NUP214: variants seen among roughly 807,000 people sequenced by gnomAD.
NUP214 encodes nucleoporin 214.
A neutral mutation model predicts 196.2 loss-of-function variants in NUP214; 79 were observed. The observed-to-expected ratio is 0.40, with a 90% CI of 0.34 to 0.49. The LOEUF is 0.49. Among genes scored for constraint, NUP214 ranks in the 20% least tolerant of loss-of-function variants. The probability of loss-of-function intolerance (pLI) is 0.58; values close to 1 mark genes in which losing one functional copy is unlikely to be tolerated. For synonymous variants in NUP214, 1,020 were observed against 990.5 expected (o/e 1.03, Z -0.56); for missense variants, 2,468 against 2,539.0 (o/e 0.97, Z 0.60).
rs200377608 is a variant in NUP214, at chr9:131,139,255, CTTTTTTTTTT to C, written c.1006-12_1006-3del. 5.5e-6 allele frequency: 6 copies of C among 1,093,090 alleles called. No homozygotes were observed. Among genetic ancestry groups the C allele is most frequent in the African/African-American group, 4.2e-5 (2 of 47,068 alleles). The allele number at this position is 1,093,090 out of a possible 1,614,324, so 67.7% of individuals were successfully genotyped here. ...CTTTTTCTTTTTTCTTCTTCTTCTTCTTTTTTTTTTTTTTTTTTTTTTTAGATTAATTGGG... is the reference window on the plus strand; with the variant it reads ...CTTTTTCTTTTTTCTTCTTCTTCTTCTTTTTTTTTTTTTAGATTAATTGGG... On this transcript the variant is annotated splice_polypyrimidine_tract_variant and intron_variant, in intron 9 of 35. Coordinates refer to ENST00000359428, the MANE Select transcript of NUP214 (RefSeq NM_005085.4).
At chr9:131,136,087 C>T (rs1831718856) in intron 9 of NUP214, 81 bp downstream of exon 9, 2 of 1,191,080 alleles carry the variant, frequency 1.7e-6, no homozygotes, top group Non-Finnish European at 2.4e-6. Flanking sequence ...GTTGTCCAGG[C>T]TGGAGTGCAG....
intron 18 of NUP214, among the ~76,000 whole-genome samples, chr9:131,161,279 ACTAAGTCTCG>A (rs771005795): frequency 1.6e-4 from 23 of 142,804 alleles, no homozygotes; most frequent in Non-Finnish European, 2.4e-4. Flanking sequence ...TTTTTTTGAG[ACTAAGTCTCG>A]CTGTGTCACC....
At chr9:131,139,169 T>C in intron 9 of NUP214, 112 bp from the exon 10 acceptor site, 1 of 1,215,310 alleles carries the variant, frequency 8.2e-7, no homozygotes, top group Non-Finnish European at 1.1e-6. Flanking sequence ...AAGTGAGTCA[T>C]CTCTGTTCTC....
At chr9:131,189,472 A>G (rs530734238) in intron 26 of NUP214, among the ~76,000 whole-genome samples, 1 of 152,330 alleles carries the variant, frequency 6.6e-6, no homozygotes, top group East Asian at 1.9e-4. Context: ...CTGGATGATC[A>G]CAGTTGAGAG....
rs181038737 is a variant in NUP214 at position 131,151,342 on chromosome 9, A to T, written c.2278-394A>T. Among the ~76,000 whole-genome samples, 295 of 152,342 alleles carry T rather than the reference A, an allele frequency of 1.9e-3. 3 individuals are homozygous for T. Among genetic ancestry groups the T allele is most frequent in the African/African-American group, 6.8e-3 (282 of 41,584 alleles). Reference sequence around the variant, plus strand: ...AACTGAGGCTTAGGCAAATTTGTCAAAAGTCACCCACTTAGCAAGTGGTAG... The same window carrying T: ...AACTGAGGCTTAGGCAAATTTGTCATAAGTCACCCACTTAGCAAGTGGTAG... On this transcript the variant is annotated intron_variant, in intron 16 of 35. Coordinates refer to ENST00000359428, the MANE Select transcript of NUP214 (RefSeq NM_005085.4).
intron 28 of NUP214, among the ~76,000 whole-genome samples, chr9:131,196,390 TG>T (rs1833791695): frequency 6.6e-6 from 1 of 152,132 alleles, no homozygotes; most frequent in Non-Finnish European, 1.5e-5. Flanking sequence ...CTCGAACTCC[TG>T]ACCTCGTGAT....
chr9:131,229,756 G>A (rs1243763625), intron 33 of NUP214: 2 of 518,858 alleles, frequency 3.9e-6, no homozygotes, highest in African/African-American at 3.8e-5. Flanking sequence ...CCGCTCCTGG[G>A]AGAAAGTCCA....
Position 131,192,195 on chromosome 9 carries a change from T to TTTTG in NUP214, c.3575-13_3575-12insTTTG. 8.2e-7 allele frequency: 1 copy of TTTTG among 1,224,626 alleles called. No individual in the cohort carries two copies. Among genetic ancestry groups the TTTTG allele is most frequent in the Non-Finnish European group, 1.1e-6 (1 of 877,354 alleles). The allele number at this position is 1,224,626 out of a possible 1,614,324, so 75.9% of individuals were successfully genotyped here. A position where few individuals can be genotyped will look rare whatever the true frequency, so the allele number is the denominator to read the frequency against. ...TTTTTTTTTTTTTTTTTTTTTTTTTTCCATAATTTCAGGGACAGCCAAGAT... is the reference window on the plus strand; with the variant it reads ...TTTTTTTTTTTTTTTTTTTTTTTTTTTTTGCCATAATTTCAGGGACAGCCAAGAT... On this transcript the variant is annotated splice_polypyrimidine_tract_variant and intron_variant, in intron 26 of 35. Transcript: ENST00000359428.
At position 131,132,115 on chromosome 9, in the gene NUP214, C is replaced by CTTTTTTT. The variant is rs142450352; in HGVS notation, c.664-478_664-477insTTTTTTT. On this transcript the variant is annotated intron_variant, in intron 5 of 35. Coordinates refer to ENST00000359428, the MANE Select transcript of NUP214 (RefSeq NM_005085.4). Reference sequence around the variant, plus strand: ...TGCGTTCATGCGTTTCTTTTCTTTTCTTTCTTTTTTTTTTTTTTTTGGAGA... The same window carrying CTTTTTTT: ...TGCGTTCATGCGTTTCTTTTCTTTTCTTTTTTTTTTCTTTTTTTTTTTTTTTTGGAGA... Among the ~76,000 whole-genome samples the CTTTTTTT allele has an allele frequency of 1.1e-3, 114 of 108,070 alleles. 3 individuals are homozygous for CTTTTTTT. The highest frequency in any genetic ancestry group is 1.3e-3 in the Non-Finnish European group (69 of 54,740). The allele number at this position is 108,070 out of a possible 152,430, so 70.9% of individuals were successfully genotyped here.
At chr9:131,164,929 T>C (rs1034886593) in intron 21 of NUP214, among the ~76,000 whole-genome samples, 2 of 152,232 alleles carry the variant, frequency 1.3e-5, no homozygotes, top group Non-Finnish European at 2.9e-5. Flanking sequence ...TTAAAATTTT[T>C]TTATGCCAAT....
intron 30 of NUP214, 50 bp from the exon 31 acceptor site, chr9:131,215,162 T>G (rs775815430): frequency 1.4e-6 from 2 of 1,418,056 alleles, no homozygotes. Context: ...GCCTGCCATT[T>G]CACGATGACC....
chr9:131,214,026 C>G (rs1203890369), intron 30 of NUP214, among the ~76,000 whole-genome samples: 7 of 152,080 alleles, frequency 4.6e-5, no homozygotes, highest in African/African-American at 1.7e-4. Context: ...AGTGCTCCAG[C>G]TGCTGTGTGG....
chr9:131,228,544 G>A, intron 33 of NUP214: 1 of 458,110 alleles, frequency 2.2e-6, no homozygotes, highest in Admixed American at 4.5e-5. Context: ...GACCTCAGCT[G>A]TGTTGCTGTT....
At chr9:131,159,714 G>A (rs1832572702) in intron 18 of NUP214, among the ~76,000 whole-genome samples, 1 of 151,680 alleles carries the variant, frequency 6.6e-6, no homozygotes, top group Non-Finnish European at 1.5e-5. Flanking sequence ...AAAATTAGCC[G>A]GGCATGGTGG....
chr9:131,162,923 T>G (rs12000849), intron 18 of NUP214, 68 bp from the exon 19 acceptor site: 2 of 1,505,280 alleles, frequency 1.3e-6, no homozygotes, highest in South Asian at 2.3e-5. Flanking sequence ...GTCTTGTTTG[T>G]TTTTTTACTG....
intron 32 of NUP214, among the ~76,000 whole-genome samples, chr9:131,225,503 T>A (rs1834696264): frequency 6.6e-6 from 1 of 152,256 alleles, no homozygotes; most frequent in African/African-American, 2.4e-5. Context: ...AAGTACTTAT[T>A]TGCCCCATGA....
intron 21 of NUP214, among the ~76,000 whole-genome samples, chr9:131,169,857 C>T (rs1832904602): frequency 6.6e-6 from 1 of 152,172 alleles, no homozygotes; most frequent in African/African-American, 2.4e-5. Context: ...AGTTTTCTGA[C>T]TCCTGCTCTA....
Position 131,133,156 on chromosome 9 carries a change from G to T in NUP214, c.778G>T (p.Ala260Ser). The T allele has an allele frequency of 6.2e-7, 1 of 1,605,368 alleles. No individual in the cohort carries two copies. The highest frequency in any genetic ancestry group is 8.5e-7 in the Non-Finnish European group (1 of 1,177,348). ...GTYVFAIVYAAADGTLETSPD... is the reference protein window; with the variant it reads ...GTYVFAIVYASADGTLETSPD... The stretch of plus-strand genomic sequence containing the variant: ...CTACGTCTTCGCCATAGTGTATGCT[G>T]CTGCAGATGGGACCCTGGAAACGTC... The change falls in exon 7 of 36, where the codon GCT becomes TCT. Residue 260 changes from alanine (A) to serine (S), a missense_variant. Coordinates refer to ENST00000359428, the MANE Select transcript of NUP214 (RefSeq NM_005085.4).
rs369207122 is a variant in NUP214 at position 131,174,059 on chromosome 9, C to T, written c.2898C>T (p.Ser966=). Residue 966 remains serine, a synonymous_variant, in exon 22 of 36, where the codon AGC becomes AGT. Coordinates refer to ENST00000359428, the MANE Select transcript of NUP214 (RefSeq NM_005085.4). ...TPPVRSTAPA[S]LSRSAFLSQR... Reference sequence around the variant, plus strand: ...TTTTGTTTGGGGCTTTTGTAGCCAGCCTGTCTCGATCAGCCTTTCTGTCTC... The same window carrying T: ...TTTTGTTTGGGGCTTTTGTAGCCAGTCTGTCTCGATCAGCCTTTCTGTCTC... 1.2e-6 allele frequency: 2 copies of T among 1,612,240 alleles called. No homozygotes were observed. The highest frequency in any genetic ancestry group is 1.7e-5 in the Admixed American group (1 of 59,618).
Sources: allele counts gnomAD v4.1 joint callset (sites outside exome capture counted in the v4.1 genomes callset), GRCh38; gene constraint gnomAD v4.1.1; transcripts MANE v1.5; gene names NCBI Gene and HGNC (gene_info 2026-07-23, HGNC 2026-07-21).